SMAD3: variants seen among roughly 807,000 people sequenced by gnomAD.
The protein encoded by SMAD3 is MAD homolog 3.
In SMAD3, 12 loss-of-function variants were observed where a neutral mutation model predicts 51.8. The observed-to-expected ratio is 0.23, with a 90% CI of 0.15 to 0.38. SMAD3 has a LOEUF of 0.38. Ranked by LOEUF, SMAD3 falls within the 10% of genes least tolerant of loss-of-function variation. The probability of loss-of-function intolerance (pLI) is 1.00; values close to 1 mark genes in which losing one functional copy is unlikely to be tolerated. For synonymous variants in SMAD3, 238 were observed against 227.7 expected (o/e 1.05, Z -0.41); for missense variants, 294 against 565.6 (o/e 0.52, Z 4.87).
chr15:67,163,283 T>A (rs1238401444), intron 1 of SMAD3, among the ~76,000 whole-genome samples: 1 of 152,160 alleles, frequency 6.6e-6, no homozygotes, highest in Non-Finnish European at 1.5e-5. Context: ...CCCAGTGGAA[T>A]GGAGGGTCCC....
In SMAD3 at chr15:67,194,623, C is replaced by G. The variant is rs898098540; in HGVS notation, c.*4087C>G. The G allele has an allele frequency of 3.9e-5, 9 of 231,818 alleles. No individual in the cohort carries two copies. The highest frequency in any genetic ancestry group is 1.2e-3 in the Middle Eastern group (1 of 802). The allele number at this position is 231,818 out of a possible 1,614,324, so 14.4% of individuals were successfully genotyped here. On this transcript the variant is annotated 3_prime_UTR_variant, in exon 9 of 9. Coordinates refer to ENST00000327367, the MANE Select transcript of SMAD3 (RefSeq NM_005902.4). ...TTTTTTAAGAAAGTTGGAAAGGTCT[C>G]TCCTCCCAAGGACAGTGGCTGGAAG...
intron 1 of SMAD3, among the ~76,000 whole-genome samples, chr15:67,088,530 A>G (rs1221927927): frequency 6.6e-6 from 1 of 152,154 alleles, no homozygotes; most frequent in African/African-American, 2.4e-5. Context: ...CGAGGGAAAC[A>G]CAGTGGTGTT....
rs554631473 is a variant in SMAD3, at chr15:67,121,708, T to C, written c.207-43187T>C. ...CAGTATGCCTGATTTCTCTGGGTCTTTCTAACACATCCATGTATGTGCTTG... is the reference window on the plus strand; with the variant it reads ...CAGTATGCCTGATTTCTCTGGGTCTCTCTAACACATCCATGTATGTGCTTG... On this transcript the variant is annotated intron_variant, in intron 1 of 8. Transcript: ENST00000327367. Among the ~76,000 whole-genome samples, 12 of 152,222 alleles carry C rather than the reference T, an allele frequency of 7.9e-5. No homozygotes were observed. In the South Asian group the frequency reaches 1.7e-3, roughly 21 times the overall value.
intron 1 of SMAD3, among the ~76,000 whole-genome samples, chr15:67,102,780 A>G (rs1960789815): frequency 6.6e-6 from 1 of 152,084 alleles, no homozygotes; most frequent in African/African-American, 2.4e-5. Flanking sequence ...TTAGCTTGGT[A>G]TTTAAAGTTC....
chr15:67,105,720 C>G (rs1192211409), intron 1 of SMAD3, among the ~76,000 whole-genome samples: 1 of 152,212 alleles, frequency 6.6e-6, no homozygotes, highest in Non-Finnish European at 1.5e-5. Context: ...GTCTCTTACC[C>G]TGATGCCCTG....
At chr15:67,139,574 T>A (rs1183008858) in intron 1 of SMAD3, among the ~76,000 whole-genome samples, 1 of 152,198 alleles carries the variant, frequency 6.6e-6, no homozygotes, top group East Asian at 1.9e-4. Flanking sequence ...CTGGGCTGAC[T>A]GGGTGCTAGG....
chr15:67,084,606 C>T (rs1051307360), intron 1 of SMAD3, among the ~76,000 whole-genome samples: 4 of 152,150 alleles, frequency 2.6e-5, no homozygotes, highest in African/African-American at 9.7e-5. Context: ...CCATCAGACA[C>T]AGTGGTCCAG....
At chr15:67,099,693 G>A (rs897819999) in intron 1 of SMAD3, among the ~76,000 whole-genome samples, 8 of 152,306 alleles carry the variant, frequency 5.3e-5, no homozygotes, top group Non-Finnish European at 8.8e-5. Flanking sequence ...CACCACCAGC[G>A]AGGTGTGCTA....
intron 5 of SMAD3, among the ~76,000 whole-genome samples, chr15:67,177,744 T>C (rs1962945688): frequency 6.9e-6 from 1 of 144,700 alleles, no homozygotes; most frequent in Admixed American, 7.0e-5. Context: ...TTTTTTTTTT[T>C]GTTAAGGAAA....
chr15:67,120,248 C>T (rs1010471968), intron 1 of SMAD3, among the ~76,000 whole-genome samples: 1 of 152,182 alleles, frequency 6.6e-6, no homozygotes, highest in Non-Finnish European at 1.5e-5. Context: ...GTGGGACAGA[C>T]TTTGCCCTGG....
At chr15:67,094,879 T>C (rs1459634868) in intron 1 of SMAD3, among the ~76,000 whole-genome samples, 1 of 152,188 alleles carries the variant, frequency 6.6e-6, no homozygotes, top group Non-Finnish European at 1.5e-5. Flanking sequence ...TCTGGGCGGA[T>C]GGCAGGGCTG....
chr15:67,114,085 A>C (rs1427660596), intron 1 of SMAD3, among the ~76,000 whole-genome samples: 1 of 152,206 alleles, frequency 6.6e-6, no homozygotes, highest in Non-Finnish European at 1.5e-5. Context: ...CTGGCTAAGC[A>C]GTGGAAACAT....
At chr15:67,180,688 C>T (rs1445403171) in intron 5 of SMAD3, among the ~76,000 whole-genome samples, 2 of 151,926 alleles carry the variant, frequency 1.3e-5, no homozygotes, top group Non-Finnish European at 2.9e-5. Flanking sequence ...AGCTGCTGCT[C>T]CACAGGCTGG....
At chr15:67,081,610 G>C (rs370019369) in intron 1 of SMAD3, among the ~76,000 whole-genome samples, 23 of 152,298 alleles carry the variant, frequency 1.5e-4, no homozygotes, top group African/African-American at 4.3e-4. Flanking sequence ...AAGGTCTCAG[G>C]AGCCTTACAT....
rs559740862 is a variant in SMAD3 at position 67,113,105 on chromosome 15, A to T, written c.206+46745A>T. On this transcript the variant is annotated intron_variant, in intron 1 of 8. Transcript: ENST00000327367. ...ATATATATATATATATTTTTTTGAG[A>T]CAGAGTCTTGCTCTGTCACCCAGGC... 1.2e-4 allele frequency among the ~76,000 whole-genome samples: 3 copies of T among 24,976 alleles called. 1 individual carries two copies. Among genetic ancestry groups the T allele is most frequent in the African/African-American group, 1.9e-4 (3 of 16,030 alleles). The allele number at this position is 24,976 out of a possible 152,430, so 16.4% of individuals were successfully genotyped here.
chr15:67,125,160 G>A (rs1189541385), intron 1 of SMAD3, among the ~76,000 whole-genome samples: 3 of 152,198 alleles, frequency 2.0e-5, no homozygotes, highest in African/African-American at 7.2e-5. Context: ...TGCCATCCAG[G>A]CCCACCCACT....
In SMAD3 at chr15:67,134,788, C is replaced by T. The variant is rs575339693; in HGVS notation, c.207-30107C>T. Among the ~76,000 whole-genome samples, 14 of 152,332 alleles carry T rather than the reference C, an allele frequency of 9.2e-5. No individual in the cohort carries two copies. In the East Asian group the frequency reaches 2.5e-3, roughly 27 times the overall value. The stretch of plus-strand genomic sequence containing the variant: ...CATTCTGCCAATGATAACCTATTAT[C>T]GTGCAACTCTGTGCCAGGTCCTGCT... On this transcript the variant is annotated intron_variant, in intron 1 of 8. Coordinates refer to ENST00000327367, the MANE Select transcript of SMAD3 (RefSeq NM_005902.4).
Position 67,191,210 on chromosome 15 carries a change from G to A in SMAD3, c.*674G>A, listed in dbSNP as rs1039775805. ...AGGACAGCGGGAAAAATCGATGAGC[G>A]CCACCTCTTTAAAAACTCACTTACG... On this transcript the variant is annotated 3_prime_UTR_variant, in exon 9 of 9. Coordinates refer to ENST00000327367, the MANE Select transcript of SMAD3 (RefSeq NM_005902.4). 4.3e-6 allele frequency: 1 copy of A among 233,662 alleles called. No individual in the cohort carries two copies. The highest frequency in any genetic ancestry group is 8.5e-6 in the Non-Finnish European group (1 of 118,298). The allele number at this position is 233,662 out of a possible 1,614,324, so 14.5% of individuals were successfully genotyped here.
intron 1 of SMAD3, among the ~76,000 whole-genome samples, chr15:67,153,621 G>A (rs1191747510): frequency 6.6e-6 from 1 of 152,158 alleles, no homozygotes; most frequent in African/African-American, 2.4e-5. Context: ...ATGTTTAGAG[G>A]TATTTTTTTT....
Sources: allele counts gnomAD v4.1 joint callset (sites outside exome capture counted in the v4.1 genomes callset), GRCh38; gene constraint gnomAD v4.1.1; transcripts MANE v1.5; gene names NCBI Gene and HGNC (gene_info 2026-07-23, HGNC 2026-07-21).